ARHGAP24: variants seen among roughly 807,000 people sequenced by gnomAD.
The protein encoded by ARHGAP24 is rho GTPase-activating protein 24.
ARHGAP24 carries 50 observed loss-of-function variants against 76.4 expected under a neutral mutation model. The ratio of observed to expected loss-of-function variants is 0.65; its 90% CI spans 0.52 to 0.83. The LOEUF is 0.83. ARHGAP24 is among the 40% of genes least tolerant of loss of function. The probability of loss-of-function intolerance (pLI) is 0.00; values close to 1 mark genes in which losing one functional copy is unlikely to be tolerated. For missense variants in ARHGAP24, 930 were observed against 914.2 expected, an observed-to-expected ratio of 1.02 and a Z score of -0.22; for synonymous variants, 345 against 323.3, an observed-to-expected ratio of 1.07 and a Z score of -0.72.
intron 2 of ARHGAP24, among the ~76,000 whole-genome samples, chr4:85,693,801 A>G (rs902033371): frequency 2.6e-5 from 4 of 152,174 alleles, no homozygotes; most frequent in Non-Finnish European, 5.9e-5. Flanking sequence ...TCTTAGAGGG[A>G]GATGGAAAGC....
Position 85,541,308 on chromosome 4 carries a change from T to C in ARHGAP24, c.-20-29214T>C, listed in dbSNP as rs1031525047. Among the ~76,000 whole-genome samples, 102 of 137,206 alleles carry C rather than the reference T, an allele frequency of 7.4e-4. 4 individuals are homozygous for C. The highest frequency in any genetic ancestry group is 4.0e-3 in the Admixed American group (59 of 14,604). The allele number at this position is 137,206 out of a possible 152,430, so 90.0% of individuals were successfully genotyped here. On this transcript the variant is annotated intron_variant, in intron 1 of 9. Coordinates refer to ENST00000395184, the MANE Select transcript of ARHGAP24 (RefSeq NM_001025616.3). Reference sequence around the variant, plus strand: ...AGCTGGGACTACAGGCGCCCGCCACTACGCCCGGCTAATTTTTTGTATTTT... The same window carrying C: ...AGCTGGGACTACAGGCGCCCGCCACCACGCCCGGCTAATTTTTTGTATTTT...
At chr4:85,660,718 C>T (rs1159938991) in intron 2 of ARHGAP24, among the ~76,000 whole-genome samples, 1 of 133,658 alleles carries the variant, frequency 7.5e-6, no homozygotes, top group African/African-American at 2.8e-5. Context: ...ATCCCTTGAC[C>T]CAGGGAGTAG....
intron 2 of ARHGAP24, among the ~76,000 whole-genome samples, chr4:85,644,544 T>C (rs948966133): frequency 2.6e-5 from 4 of 152,158 alleles, no homozygotes; most frequent in East Asian, 1.9e-4. Context: ...GTAATTTCTA[T>C]AGAAAATTTA....
intron 9 of ARHGAP24, among the ~76,000 whole-genome samples, chr4:85,997,803 A>G (rs1560777015): frequency 6.7e-6 from 1 of 150,354 alleles, no homozygotes; most frequent in Non-Finnish European, 1.5e-5. Flanking sequence ...TTACAGATGC[A>G]TGCCATCATG....
At chr4:85,606,512 C>CA (rs11325522) in intron 2 of ARHGAP24, among the ~76,000 whole-genome samples, 1 of 144,858 alleles carries the variant, frequency 6.9e-6, no homozygotes, top group Non-Finnish European at 1.5e-5. Context: ...GACTCCATTT[C>CA]AAAAAAAAAA....
At chr4:85,797,168 T>G (rs1413934360) in intron 3 of ARHGAP24, among the ~76,000 whole-genome samples, 1 of 85,216 alleles carries the variant, frequency 1.2e-5, no homozygotes, top group Non-Finnish European at 3.4e-5. Flanking sequence ...TTTGTTTTTT[T>G]TTTTGTTTTT....
intron 3 of ARHGAP24, among the ~76,000 whole-genome samples, chr4:85,730,624 G>T (rs1415331637): frequency 6.6e-6 from 1 of 152,066 alleles, no homozygotes; most frequent in Non-Finnish European, 1.5e-5. Context: ...GCCCAGGCTG[G>T]TCTCAAATCC....
At chr4:85,914,012 T>C (rs1388363616) in intron 3 of ARHGAP24, among the ~76,000 whole-genome samples, 1 of 152,204 alleles carries the variant, frequency 6.6e-6, no homozygotes. Context: ...AATACCTTAA[T>C]GTTTGCTTTG....
At chr4:85,536,150 G>A (rs552130983) in intron 1 of ARHGAP24, among the ~76,000 whole-genome samples, 1 of 151,342 alleles carries the variant, frequency 6.6e-6, no homozygotes, top group African/African-American at 2.4e-5. Flanking sequence ...AAAAAAAAAA[G>A]GACATGCTAA....
intron 7 of ARHGAP24, among the ~76,000 whole-genome samples, chr4:85,976,670 A>G (rs1339938540): frequency 6.6e-6 from 1 of 152,106 alleles, no homozygotes; most frequent in Non-Finnish European, 1.5e-5. Flanking sequence ...AATCTCTCCT[A>G]TTATTTCATG....
At chr4:85,934,526 G>T (rs1196695175) in intron 4 of ARHGAP24, among the ~76,000 whole-genome samples, 1 of 152,012 alleles carries the variant, frequency 6.6e-6, no homozygotes, top group Non-Finnish European at 1.5e-5. Flanking sequence ...TTATTTGTTT[G>T]TTTGTTTTGA....
intron 2 of ARHGAP24, among the ~76,000 whole-genome samples, chr4:85,649,037 T>TG (rs199528525): frequency 1.5e-3 from 165 of 111,166 alleles, no homozygotes; most frequent in African/African-American, 5.1e-3. Context: ...GTGTGTGTGT[T>TG]TGTGTGTGTG....
chr4:85,979,044 TGGATTTGTTGATCCAC>T (rs1379823049), intron 8 of ARHGAP24, among the ~76,000 whole-genome samples: 4 of 152,234 alleles, frequency 2.6e-5, no homozygotes, highest in African/African-American at 7.2e-5. Context: ...TCCCGTAGTC[TGGATTTGTTGATCCAC>T]GGATTTGTTG....
intron 8 of ARHGAP24, among the ~76,000 whole-genome samples, chr4:85,994,049 T>C (rs1740498017): frequency 6.6e-6 from 1 of 152,312 alleles, no homozygotes; most frequent in Non-Finnish European, 1.5e-5. Flanking sequence ...ATTTTCATTA[T>C]CTTGATATAT....
At chr4:85,830,464 A>C (rs1479370811) in intron 3 of ARHGAP24, among the ~76,000 whole-genome samples, 1 of 152,166 alleles carries the variant, frequency 6.6e-6, no homozygotes, top group African/African-American at 2.4e-5. Context: ...TACCTCAACA[A>C]TTGTTTATAC....
In ARHGAP24 at chr4:85,643,385, A is replaced by G. The variant is rs1397071575; in HGVS notation, c.180+72664A>G. Among the ~76,000 whole-genome samples the G allele has an allele frequency of 3.4e-5, 4 of 118,736 alleles. 1 individual carries two copies. Among genetic ancestry groups the G allele is most frequent in the Non-Finnish European group, 5.2e-5 (3 of 57,450 alleles). The allele number at this position is 118,736 out of a possible 152,430, so 77.9% of individuals were successfully genotyped here. On this transcript the variant is annotated intron_variant, in intron 2 of 9. Coordinates refer to ENST00000395184, the MANE Select transcript of ARHGAP24 (RefSeq NM_001025616.3). The stretch of plus-strand genomic sequence containing the variant: ...GCCATTCTCCTGCCTCAGCCTCCCC[A>G]GTAGCTGGGACTACAGGCGCCCGCC...
chr4:85,788,197 C>A (rs1289214668), intron 3 of ARHGAP24, among the ~76,000 whole-genome samples: 1 of 152,064 alleles, frequency 6.6e-6, no homozygotes, highest in Non-Finnish European at 1.5e-5. Flanking sequence ...TCATCCCCAC[C>A]CAGGACATGT....
At chr4:85,710,639 A>C (rs1163490141) in intron 2 of ARHGAP24, among the ~76,000 whole-genome samples, 1 of 152,182 alleles carries the variant, frequency 6.6e-6, no homozygotes, top group Non-Finnish European at 1.5e-5. Context: ...AGCCCCATTA[A>C]AAAGTGGACA....
At chr4:85,572,895 G>A (rs1434864893) in intron 2 of ARHGAP24, among the ~76,000 whole-genome samples, 5 of 27,550 alleles carry the variant, frequency 1.8e-4, no homozygotes, top group Admixed American at 1.7e-3. Context: ...TTTTTTTTTT[G>A]AGATGGAGTC....
Sources: gnomAD v4.1 joint callset for allele counts (sites outside exome capture counted in the v4.1 genomes callset) on GRCh38, gnomAD v4.1.1 for gene constraint, MANE v1.5 for transcripts, NCBI Gene and HGNC (gene_info 2026-07-23, HGNC 2026-07-21) for gene names.